Variants in EYS observed in about 807,000 individuals in gnomAD.
The protein encoded by EYS is protein eyes shut homolog.
A neutral mutation model predicts 282.1 loss-of-function variants in EYS; 250 were observed. The ratio of observed to expected loss-of-function variants is 0.89; its 90% CI spans 0.80 to 0.98. The LOEUF (loss-of-function observed/expected upper bound fraction) is 0.98, where lower values mean the gene tolerates loss of function less well. Ranked by LOEUF, EYS falls within the 50% of genes least tolerant of loss-of-function variation. The pLI is 0.00. For missense variants in EYS, 4,016 were observed against 3,709.0 expected (o/e 1.08, Z -2.15); for synonymous variants, 1,355 against 1,282.9 (o/e 1.06, Z -1.20).
At chr6:64,321,384 C>T (rs1380567465) in intron 29 of EYS, among the ~76,000 whole-genome samples, 1 of 151,708 alleles carries the variant, frequency 6.6e-6, no homozygotes, top group Non-Finnish European at 1.5e-5. Flanking sequence ...TTAGTACCAG[C>T]TTCAAAATGA....
chr6:65,206,392 TA>T (rs112076826), intron 12 of EYS, among the ~76,000 whole-genome samples: 21,383 of 148,880 alleles, frequency 0.14, 1,854 homozygotes, highest in African/African-American at 0.25. Flanking sequence ...TTGAATCAAT[TA>T]AAAAAAAAAT....
intron 29 of EYS, among the ~76,000 whole-genome samples, chr6:64,327,422 T>C (rs1390315055): frequency 2.0e-5 from 3 of 152,174 alleles, no homozygotes; most frequent in South Asian, 2.1e-4. Context: ...TATTGGGTTA[T>C]GCTAACTCCA....
intron 32 of EYS, among the ~76,000 whole-genome samples, chr6:64,079,192 T>A (rs563869488): frequency 9.2e-4 from 140 of 152,186 alleles, no homozygotes; most frequent in Middle Eastern, 3.4e-3. Flanking sequence ...AAAAAACAAG[T>A]TTTTCTTTTG....
At chr6:65,158,979 T>C (rs9453209) in intron 12 of EYS, among the ~76,000 whole-genome samples, 5,976 of 150,774 alleles carry the variant, frequency 0.04, 335 homozygotes, top group African/African-American at 0.13. Flanking sequence ...ACTGAGAGGG[T>C]TTTTTTAAAT....
At chr6:65,169,391 T>C (rs2150226386) in intron 12 of EYS, among the ~76,000 whole-genome samples, 1 of 151,578 alleles carries the variant, frequency 6.6e-6, no homozygotes, top group South Asian at 2.1e-4. Context: ...TTTGCATAAA[T>C]ATTTAATTGC....
In EYS at chr6:64,766,645, AAAAAATATATATATATAT is replaced by A. The variant is rs1353425424; in HGVS notation, c.3443+46715_3443+46732del. 2.7e-4 allele frequency among the ~76,000 whole-genome samples: 10 copies of A among 37,088 alleles called. 1 individual carries two copies. The highest frequency in any genetic ancestry group is 7.9e-4 in the African/African-American group (8 of 10,136). The allele number at this position is 37,088 out of a possible 152,430, so 24.3% of individuals were successfully genotyped here. On this transcript the variant is annotated intron_variant, in intron 22 of 42. Transcript: ENST00000503581. ...AAACTCCGTCTCAAAAAAAAAAAAAAAAAAATATATATATATATATATATATATATATATATATAAAAT... is the reference window on the plus strand; with the variant it reads ...AAACTCCGTCTCAAAAAAAAAAAAAAATATATATATATATATATATAAAAT...
intron 35 of EYS, among the ~76,000 whole-genome samples, chr6:63,956,535 A>G (rs1221208581): frequency 1.3e-5 from 2 of 152,146 alleles, no homozygotes; most frequent in African/African-American, 2.4e-5. Flanking sequence ...GCTTTTCCAC[A>G]TAAACTTTTT....
intron 5 of EYS, among the ~76,000 whole-genome samples, chr6:65,429,307 C>T (rs527523163): frequency 3.6e-4 from 55 of 152,252 alleles, no homozygotes; most frequent in African/African-American, 1.3e-3. Context: ...AATCACTAAT[C>T]CTCAAACGTA....
intron 33 of EYS, among the ~76,000 whole-genome samples, chr6:64,038,165 T>C (rs1468275120): frequency 6.6e-6 from 1 of 151,738 alleles, no homozygotes; most frequent in Non-Finnish European, 1.5e-5. Context: ...GGGATGTGGA[T>C]TGGGGGATGT....
At chr6:63,816,441 C>A (rs1771180026) in intron 36 of EYS, among the ~76,000 whole-genome samples, 1 of 152,152 alleles carries the variant, frequency 6.6e-6, no homozygotes, top group African/African-American at 2.4e-5. Flanking sequence ...TATAAACTAA[C>A]CCTGACCATC....
chr6:63,880,999 C>A (rs1270198364), intron 35 of EYS, among the ~76,000 whole-genome samples: 1 of 151,306 alleles, frequency 6.6e-6, no homozygotes, highest in Non-Finnish European at 1.5e-5. Flanking sequence ...GCATTTATAC[C>A]TAGTTAACAC....
At chr6:64,844,256 C>T (rs1368930811) in intron 19 of EYS, among the ~76,000 whole-genome samples, 2 of 151,790 alleles carry the variant, frequency 1.3e-5, no homozygotes, top group Non-Finnish European at 2.9e-5. Flanking sequence ...TGTATATCGT[C>T]GTTCTTAAAT....
chr6:64,315,684 G>T (rs1219594909), intron 29 of EYS, among the ~76,000 whole-genome samples: 2 of 147,132 alleles, frequency 1.4e-5, no homozygotes, highest in Non-Finnish European at 3.0e-5. Flanking sequence ...TCCAAACAAT[G>T]GATAAAAAGG....
intron 33 of EYS, among the ~76,000 whole-genome samples, chr6:64,016,687 G>A (rs1768908966): frequency 1.3e-5 from 2 of 151,930 alleles, no homozygotes; most frequent in Non-Finnish European, 2.9e-5. Context: ...TGCTGCCAAG[G>A]CTGGCCTCAA....
chr6:64,025,871 G>C (rs1214796234), intron 33 of EYS, among the ~76,000 whole-genome samples: 1 of 152,178 alleles, frequency 6.6e-6, no homozygotes, highest in Non-Finnish European at 1.5e-5. Context: ...AAGGGGTAAA[G>C]TCCCAGTACT....
chr6:64,933,494 A>G (rs1211371079), intron 15 of EYS, among the ~76,000 whole-genome samples: 1 of 152,166 alleles, frequency 6.6e-6, no homozygotes, highest in African/African-American at 2.4e-5. Context: ...CAGATGCTGG[A>G]GAGGATGTGG....
intron 12 of EYS, among the ~76,000 whole-genome samples, chr6:65,194,484 T>G (rs1319430783): frequency 6.6e-6 from 1 of 151,994 alleles, no homozygotes; most frequent in African/African-American, 2.4e-5. Context: ...TTCCAGCAAC[T>G]AACTTATACT....
chr6:64,931,786 A>C (rs1768733972), intron 15 of EYS, among the ~76,000 whole-genome samples: 1 of 152,120 alleles, frequency 6.6e-6, no homozygotes, highest in Non-Finnish European at 1.5e-5. Flanking sequence ...AGGAAACTGG[A>C]AGCTTGCAAA....
At chr6:63,784,409 G>T (rs1770314208) in intron 39 of EYS, among the ~76,000 whole-genome samples, 1 of 152,156 alleles carries the variant, frequency 6.6e-6, no homozygotes, top group African/African-American at 2.4e-5. Flanking sequence ...AATGTCAGGG[G>T]TGTTAGTCCA....
Sources: allele counts gnomAD v4.1 joint callset (sites outside exome capture counted in the v4.1 genomes callset), GRCh38; gene constraint gnomAD v4.1.1; transcripts MANE v1.5; gene names NCBI Gene and HGNC (gene_info 2026-07-23, HGNC 2026-07-21).